GNA14: variants seen among roughly 807,000 people sequenced by gnomAD.
GNA14 encodes G protein subunit alpha 14.
Under a neutral mutation model 42.0 loss-of-function variants are expected in GNA14, and 50 were observed. That is an observed-to-expected ratio of 1.19 (90% CI 0.95 to 1.51). The LOEUF (loss-of-function observed/expected upper bound fraction) is 1.51, where lower values mean the gene tolerates loss of function less well. Ranked by LOEUF, GNA14 falls within the 40% of genes most tolerant of loss-of-function variation. The pLI is 0.00. For missense variants in GNA14, 473 were observed against 446.2 expected (o/e 1.06, Z -0.54); for synonymous variants, 173 against 163.1 (o/e 1.06, Z -0.46).
chr9:77,440,780 A>G (rs989597634), intron 2 of GNA14, among the ~76,000 whole-genome samples: 1 of 152,166 alleles, frequency 6.6e-6, no homozygotes, highest in East Asian at 1.9e-4. Flanking sequence ...CAGTGGCGCA[A>G]TCTCGGTTCA....
intron 1 of GNA14, among the ~76,000 whole-genome samples, chr9:77,637,534 T>C (rs1002461567): frequency 2.0e-5 from 3 of 152,236 alleles, no homozygotes; most frequent in Admixed American, 6.5e-5. Context: ...AATTAAAAAG[T>C]ATATTTTAAC....
intron 1 of GNA14, among the ~76,000 whole-genome samples, chr9:77,583,946 C>T (rs1823264022): frequency 6.6e-6 from 1 of 152,110 alleles, no homozygotes. Context: ...CATTGATCTG[C>T]AGGAATAAAG....
intron 1 of GNA14, among the ~76,000 whole-genome samples, chr9:77,569,592 G>A (rs1823028691): frequency 6.6e-6 from 1 of 152,094 alleles, no homozygotes; most frequent in Non-Finnish European, 1.5e-5. Context: ...CCACCAACAG[G>A]GGCTGCTCCA....
chr9:77,425,461 C>T, intron 6 of GNA14, 101 bp downstream of exon 6: 1 of 772,534 alleles, frequency 1.3e-6, no homozygotes, highest in Non-Finnish European at 2.1e-6. Flanking sequence ...CTATTGCAGG[C>T]AGACCAGGGA....
chr9:77,588,112 G>T (rs1823333432), intron 1 of GNA14, among the ~76,000 whole-genome samples: 1 of 152,012 alleles, frequency 6.6e-6, no homozygotes, highest in East Asian at 1.9e-4. Flanking sequence ...GTATTACATT[G>T]GTTCTACCTG....
At chr9:77,436,633 T>C (rs1011397800) in intron 2 of GNA14, among the ~76,000 whole-genome samples, 1 of 152,112 alleles carries the variant, frequency 6.6e-6, no homozygotes, top group Non-Finnish European at 1.5e-5. Flanking sequence ...CTCGCCACGC[T>C]CTTGCTTTCC....
At chr9:77,498,732 G>C (rs1836917381) in intron 2 of GNA14, among the ~76,000 whole-genome samples, 1 of 152,178 alleles carries the variant, frequency 6.6e-6, no homozygotes, top group Non-Finnish European at 1.5e-5. Context: ...CCCCGCTGAG[G>C]ATGCCATGAG....
chr9:77,639,152 C>T (rs991106114), intron 1 of GNA14, among the ~76,000 whole-genome samples: 1 of 151,964 alleles, frequency 6.6e-6, no homozygotes, highest in Non-Finnish European at 1.5e-5. Context: ...TTTGGCGCTG[C>T]CCAGCATCTG....
At chr9:77,431,024 T>TTTGTG (rs1554686111) in intron 4 of GNA14, among the ~76,000 whole-genome samples, 2 of 101,466 alleles carry the variant, frequency 2.0e-5, no homozygotes, top group African/African-American at 8.1e-5. Context: ...AAGTATACAT[T>TTTGTG]TGTGTGTGTG....
chr9:77,473,318 G>T (rs956610436), intron 2 of GNA14, among the ~76,000 whole-genome samples: 3 of 152,096 alleles, frequency 2.0e-5, no homozygotes, highest in Admixed American at 1.3e-4. Flanking sequence ...TTAGCTGGGT[G>T]TGGTGGTGTG....
rs528687793 is a variant in GNA14, at chr9:77,548,073, G to A, written c.125-18820C>T. Among the ~76,000 whole-genome samples the A allele has an allele frequency of 2.8e-3, 429 of 152,294 alleles. 2 individuals are homozygous for A. Among genetic ancestry groups the A allele is most frequent in the Non-Finnish European group, 4.8e-3 (325 of 68,020 alleles). On this transcript the variant is annotated intron_variant, in intron 1 of 6. Transcript: ENST00000341700. ...TAATAAGGAGAAAGTTGGAAAAGGT[G>A]CCTGAATCAGTTTCTTAGGCTGCTG...
chr9:77,462,980 CTAAGA>C, intron 2 of GNA14, among the ~76,000 whole-genome samples: 1 of 152,248 alleles, frequency 6.6e-6, no homozygotes, highest in Middle Eastern at 3.4e-3. Flanking sequence ...GTTCTCTCTT[CTAAGA>C]TGTCTCCAAC....
chr9:77,435,357 CA>C (rs944631570), intron 2 of GNA14, among the ~76,000 whole-genome samples: 83 of 142,714 alleles, frequency 5.8e-4, no homozygotes, highest in South Asian at 8.8e-4. Flanking sequence ...ACTCTGTCTC[CA>C]AAAAAAAAAA....
intron 2 of GNA14, among the ~76,000 whole-genome samples, chr9:77,447,003 G>A (rs1200990114): frequency 2.0e-5 from 3 of 148,024 alleles, no homozygotes; most frequent in South Asian, 2.1e-4. Flanking sequence ...TCATTCTGTT[G>A]CCCAGGCTGG....
intron 2 of GNA14, among the ~76,000 whole-genome samples, chr9:77,454,577 ATTTTT>A (rs35309093): frequency 0.027 from 3,504 of 128,614 alleles, 123 homozygotes; most frequent in African/African-American, 0.095. Flanking sequence ...GGCCATCAGG[ATTTTT>A]TTTTTTTTTT....
chr9:77,442,586 A>G (rs1287016540), intron 2 of GNA14, among the ~76,000 whole-genome samples: 1 of 152,216 alleles, frequency 6.6e-6, no homozygotes, highest in Non-Finnish European at 1.5e-5. Flanking sequence ...AGACTCTGCA[A>G]GAGCAAAAGG....
chr9:77,425,397 C>T (rs1327918249), intron 6 of GNA14, among the ~76,000 whole-genome samples, 165 bp downstream of exon 6: 3 of 152,080 alleles, frequency 2.0e-5, no homozygotes, highest in Non-Finnish European at 4.4e-5. Context: ...GTGGTGAAAA[C>T]ACAACAATGG....
At chr9:77,473,578 A>G (rs1210243617) in intron 2 of GNA14, among the ~76,000 whole-genome samples, 1 of 151,000 alleles carries the variant, frequency 6.6e-6, no homozygotes, top group Non-Finnish European at 1.5e-5. Flanking sequence ...TGATCTACAT[A>G]TTCAATACAA....
At chr9:77,482,836 A>G (rs570241809) in intron 2 of GNA14, among the ~76,000 whole-genome samples, 176 of 149,608 alleles carry the variant, frequency 1.2e-3, no homozygotes, top group African/African-American at 4.0e-3. Context: ...CTTTTTTCCA[A>G]TTGATTGCAT....
Sources: allele counts gnomAD v4.1 joint callset (sites outside exome capture counted in the v4.1 genomes callset), GRCh38; gene constraint gnomAD v4.1.1; transcripts MANE v1.5; gene names NCBI Gene and HGNC (gene_info 2026-07-23, HGNC 2026-07-21).